The following CCNY variants were observed in gnomAD, a reference collection of about 807,000 sequenced individuals.
CCNY encodes the protein cyclin-Y.
CCNY carries 19 observed loss-of-function variants against 42.8 expected under a neutral mutation model. The ratio of observed to expected loss-of-function variants is 0.44; its 90% CI spans 0.31 to 0.65. The LOEUF (loss-of-function observed/expected upper bound fraction) is 0.65, where lower values mean the gene tolerates loss of function less well. Among genes scored for constraint, CCNY ranks in the 30% least tolerant of loss-of-function variants. The pLI is 0.07. For missense variants in CCNY, 370 were observed against 437.3 expected, an observed-to-expected ratio of 0.85 and a Z score of 1.37; for synonymous variants, 165 against 162.7, an observed-to-expected ratio of 1.01 and a Z score of -0.11.
intron 3 of CCNY, among the ~76,000 whole-genome samples, chr10:35,269,266 TCTACTTC>T (rs1451979288): frequency 3.0e-5 from 4 of 131,178 alleles, no homozygotes; most frequent in Middle Eastern, 3.8e-3. Flanking sequence ...TGCCAAATAA[TCTACTTC>T]CTTCCTTCCT....
chr10:35,400,778 A>G (rs1837626506), intron 1 of CCNY, among the ~76,000 whole-genome samples: 1 of 152,144 alleles, frequency 6.6e-6, no homozygotes, highest in Non-Finnish European at 1.5e-5. Context: ...TCTCTTTTCT[A>G]GAGTCTCTTA....
chr10:35,392,332 G>A (rs747741056), intron 1 of CCNY, among the ~76,000 whole-genome samples: 2 of 152,214 alleles, frequency 1.3e-5, no homozygotes, highest in Admixed American at 6.5e-5. Flanking sequence ...CCAGAGGAAG[G>A]CACTGTTCTG....
chr10:35,504,251 A>C (rs980515125), intron 3 of CCNY, among the ~76,000 whole-genome samples: 2 of 152,190 alleles, frequency 1.3e-5, no homozygotes, highest in African/African-American at 4.8e-5. Context: ...ACTGCAGGGG[A>C]AATAACCTCC....
upstream of CCNY, among the ~76,000 whole-genome samples, chr10:35,333,484 A>G (rs905779627): frequency 6.6e-6 from 1 of 152,172 alleles, no homozygotes; most frequent in African/African-American, 2.4e-5. Flanking sequence ...GACAGAAAAA[A>G]GAGAAGGAGA....
chr10:35,428,338 A>G (rs966628046), intron 1 of CCNY, among the ~76,000 whole-genome samples: 3 of 152,104 alleles, frequency 2.0e-5, no homozygotes, highest in Non-Finnish European at 4.4e-5. Flanking sequence ...TGAGACCTGA[A>G]GGGTGGTTGG....
At chr10:35,348,349 A>C (rs893502758) in intron 1 of CCNY, among the ~76,000 whole-genome samples, 1 of 152,186 alleles carries the variant, frequency 6.6e-6, no homozygotes, top group African/African-American at 2.4e-5. Flanking sequence ...TTCAGAAAGG[A>C]TGATGCCAGG....
chr10:35,298,453 A>AT (rs1045663923), intron 3 of CCNY, among the ~76,000 whole-genome samples: 4 of 152,106 alleles, frequency 2.6e-5, no homozygotes, highest in African/African-American at 9.7e-5. Flanking sequence ...TGTTTCAGGG[A>AT]TTTATCAATG....
At chr10:35,386,065 C>T (rs1837294501) in intron 1 of CCNY, among the ~76,000 whole-genome samples, 1 of 152,086 alleles carries the variant, frequency 6.6e-6, no homozygotes, top group Non-Finnish European at 1.5e-5. Context: ...ATAGCGTGCG[C>T]TTTTGGACCT....
At chr10:35,421,164 C>T (rs1035747167) in intron 1 of CCNY, among the ~76,000 whole-genome samples, 4 of 152,324 alleles carry the variant, frequency 2.6e-5, no homozygotes, top group Admixed American at 2.6e-4. Flanking sequence ...CAGGCCGCTT[C>T]TGGAGAAGCC....
chr10:35,481,656 G>A (rs115689431), intron 1 of CCNY, among the ~76,000 whole-genome samples: 46 of 152,284 alleles, frequency 3.0e-4, no homozygotes, highest in African/African-American at 1.1e-3. Context: ...TGCATGATGT[G>A]TTTCCACTGC....
At chr10:35,527,107 A>G (rs1382602743) in intron 5 of CCNY, among the ~76,000 whole-genome samples, 1 of 152,234 alleles carries the variant, frequency 6.6e-6, no homozygotes, top group East Asian at 1.9e-4. Context: ...GGGATTCTCT[A>G]TGATCACCTA....
chr10:35,483,491 T>A lies in CCNY; in HGVS notation c.229+13T>A, dbSNP rs1564429216. 2 of 1,536,912 alleles carry A rather than the reference T, an allele frequency of 1.3e-6. No individual in the cohort carries two copies. Among genetic ancestry groups the A allele is most frequent in the Non-Finnish European group, 8.9e-7 (1 of 1,117,536 alleles). ...TCTCAGACGGACGGTAGGTCCTTAA[T>A]TTATGTTTCTTTTTGTAAAAAAGGC... On this transcript the variant is annotated intron_variant, in intron 2 of 9. Coordinates refer to ENST00000374704, the MANE Select transcript of CCNY (RefSeq NM_145012.6).
At chr10:35,517,219 G>A (rs572706905) in intron 4 of CCNY, among the ~76,000 whole-genome samples, 37 of 152,236 alleles carry the variant, frequency 2.4e-4, no homozygotes, top group African/African-American at 8.2e-4. Flanking sequence ...GGAAGGAAGG[G>A]GGAGTCTTGG....
chr10:35,331,518 C>G (rs530376055), upstream of CCNY, among the ~76,000 whole-genome samples: 1 of 152,266 alleles, frequency 6.6e-6, no homozygotes, highest in African/African-American at 2.4e-5. Flanking sequence ...ATCATGCATT[C>G]CATCAACAAA....
chr10:35,560,933 C>T (rs1841453597), intron 8 of CCNY, among the ~76,000 whole-genome samples: 1 of 152,098 alleles, frequency 6.6e-6, no homozygotes, highest in African/African-American at 2.4e-5. Flanking sequence ...GCACAAGGCT[C>T]ACTGGAAGCT....
intron 1 of CCNY, among the ~76,000 whole-genome samples, chr10:35,446,008 C>T (rs1428131203): frequency 3.3e-5 from 5 of 152,138 alleles, no homozygotes; most frequent in Non-Finnish European, 5.9e-5. Flanking sequence ...TAAGAAAAGT[C>T]GTTGGGCAGA....
At chr10:35,467,249 T>A (rs1184382083) in intron 1 of CCNY, among the ~76,000 whole-genome samples, 1 of 152,212 alleles carries the variant, frequency 6.6e-6, no homozygotes, top group Non-Finnish European at 1.5e-5. Flanking sequence ...AATTTAATGA[T>A]GTTTTGTTTG....
At chr10:35,560,546 A>G (rs1197849325) in intron 8 of CCNY, among the ~76,000 whole-genome samples, 3 of 152,164 alleles carry the variant, frequency 2.0e-5, no homozygotes, top group Non-Finnish European at 2.9e-5. Flanking sequence ...CAGTCTGCTG[A>G]CAGCTTGGAC....
chr10:35,313,664 T>C (rs1410121290), intron 3 of CCNY, among the ~76,000 whole-genome samples: 1 of 152,132 alleles, frequency 6.6e-6, no homozygotes, highest in East Asian at 1.9e-4. Flanking sequence ...ACTGGTTCTG[T>C]ATAAATTACT....
Sources: allele counts gnomAD v4.1 joint callset (sites outside exome capture counted in the v4.1 genomes callset), GRCh38; gene constraint gnomAD v4.1.1; transcripts MANE v1.5; gene names NCBI Gene and HGNC (gene_info 2026-07-23, HGNC 2026-07-21).